KIAA1328: variants seen among roughly 807,000 people sequenced by gnomAD.
KIAA1328 encodes the protein protein hinderin.
Under a neutral mutation model 68.1 loss-of-function variants are expected in KIAA1328, and 52 were observed. That is an observed-to-expected ratio of 0.76 (90% confidence interval 0.61 to 0.96). KIAA1328 has a LOEUF of 0.96. Among genes scored for constraint, KIAA1328 ranks in the 40% least tolerant of loss-of-function variants. The pLI is 0.00. For synonymous variants in KIAA1328, 232 were observed against 239.4 expected, an observed-to-expected ratio of 0.97 and a Z score of 0.28; for missense variants, 641 against 677.6, an observed-to-expected ratio of 0.95 and a Z score of 0.60.
chr18:37,024,250 C>G (rs895780437), intron 6 of KIAA1328, among the ~76,000 whole-genome samples: 4 of 151,902 alleles, frequency 2.6e-5, no homozygotes, highest in Non-Finnish European at 5.9e-5. Flanking sequence ...GTCTTCCTAC[C>G]TCGGACTCCC....
intron 1 of KIAA1328, 184 bp from the exon 2 acceptor site, chr18:36,834,136 C>T (rs75109735): frequency 0.058 from 56,199 of 964,406 alleles, 1,977 homozygotes; most frequent in Non-Finnish European, 0.064. Flanking sequence ...ACATTTAATT[C>T]AATTACTTTG....
intron 6 of KIAA1328, among the ~76,000 whole-genome samples, chr18:36,987,393 C>A (rs1488866808): frequency 2.0e-5 from 3 of 146,380 alleles, no homozygotes; most frequent in African/African-American, 7.4e-5. Context: ...CTAGATGACA[C>A]GTTAGTGGGT....
intron 6 of KIAA1328, among the ~76,000 whole-genome samples, chr18:36,983,258 T>C (rs1205192094): frequency 1.3e-5 from 2 of 151,964 alleles, no homozygotes; most frequent in Non-Finnish European, 2.9e-5. Flanking sequence ...AGAAATAACC[T>C]AAAAGTATGT....
chr18:36,955,002 T>G (rs139847721), intron 5 of KIAA1328, among the ~76,000 whole-genome samples: 1 of 152,132 alleles, frequency 6.6e-6, no homozygotes, highest in East Asian at 1.9e-4. Flanking sequence ...TATCCATCCT[T>G]TCTTCTCCTT....
chr18:36,997,337 G>A (rs561711683), intron 6 of KIAA1328, among the ~76,000 whole-genome samples: 3 of 152,064 alleles, frequency 2.0e-5, no homozygotes, highest in East Asian at 1.9e-4. Context: ...AGATTTTGTG[G>A]TTTGGTTTGT....
At chr18:36,947,124 A>G (rs1321326139) in intron 5 of KIAA1328, among the ~76,000 whole-genome samples, 1 of 152,198 alleles carries the variant, frequency 6.6e-6, no homozygotes, top group Non-Finnish European at 1.5e-5. Context: ...AGATCACGCC[A>G]CTGCACTCCA....
chr18:36,870,919 C>T (rs1427807400), intron 4 of KIAA1328, among the ~76,000 whole-genome samples: 1 of 152,114 alleles, frequency 6.6e-6, no homozygotes, highest in African/African-American at 2.4e-5. Flanking sequence ...GTTAGAATGC[C>T]CAAGGGGCTC....
chr18:37,143,521 C>CTT (rs57046567), intron 7 of KIAA1328, among the ~76,000 whole-genome samples: 4,111 of 90,312 alleles, frequency 0.046, 184 homozygotes, highest in African/African-American at 0.18. Context: ...TTTTTTCTTT[C>CTT]TTTTTTTTTT....
At chr18:37,078,865 C>G (rs2056846021) in intron 7 of KIAA1328, among the ~76,000 whole-genome samples, 1 of 150,424 alleles carries the variant, frequency 6.6e-6, no homozygotes, top group African/African-American at 2.4e-5. Flanking sequence ...AATAGGAACA[C>G]TTTTACACTG....
intron 5 of KIAA1328, among the ~76,000 whole-genome samples, chr18:36,895,002 T>C (rs1320314387): frequency 3.3e-5 from 5 of 152,308 alleles, no homozygotes; most frequent in Admixed American, 6.5e-5. Context: ...GAAAGACTTA[T>C]TGGGTTTTCC....
At chr18:36,841,658 C>T (rs1568063423) in intron 3 of KIAA1328, among the ~76,000 whole-genome samples, 1 of 152,134 alleles carries the variant, frequency 6.6e-6, no homozygotes, top group Admixed American at 6.5e-5. Flanking sequence ...TCTGTCTCAA[C>T]AACTCAACTC....
intron 7 of KIAA1328, among the ~76,000 whole-genome samples, chr18:37,128,563 A>G (rs1449996461): frequency 6.6e-6 from 1 of 152,200 alleles, no homozygotes; most frequent in Non-Finnish European, 1.5e-5. Context: ...TGAGAATGCA[A>G]AATGATACAG....
intron 7 of KIAA1328, among the ~76,000 whole-genome samples, chr18:37,123,026 A>G (rs1417979684): frequency 1.3e-5 from 2 of 152,182 alleles, no homozygotes; most frequent in East Asian, 3.8e-4. Flanking sequence ...GAGACCTGGG[A>G]TTACCTCTCA....
chr18:37,034,252 A>G (rs1268913101), intron 6 of KIAA1328, among the ~76,000 whole-genome samples: 1 of 152,172 alleles, frequency 6.6e-6, no homozygotes, highest in East Asian at 1.9e-4. Flanking sequence ...TTGTAATACA[A>G]AAAAAGGTAT....
chr18:37,157,658 A>G (rs1280430846), intron 7 of KIAA1328, among the ~76,000 whole-genome samples: 1 of 151,768 alleles, frequency 6.6e-6, no homozygotes. Flanking sequence ...AAAAATACAA[A>G]AATTAGCCGG....
rs16968639 is a variant in KIAA1328, at chr18:37,199,926, G to A, written c.1524-22091G>A. ...AGAAGTGTCTTTTCATGGAGGACAT[G>A]TTTTTAAGAACATTTTTAAAAAGAA... is the stretch of plus-strand genomic sequence containing the variant. On this transcript the variant is annotated intron_variant, in intron 9 of 9. Transcript: ENST00000280020. Among the ~76,000 whole-genome samples the A allele has an allele frequency of 9.4e-3, 1,429 of 152,242 alleles. 25 individuals carry two copies. Among genetic ancestry groups the A allele is most frequent in the African/African-American group, 0.033 (1,358 of 41,544 alleles).
intron 9 of KIAA1328, among the ~76,000 whole-genome samples, chr18:37,218,459 G>A (rs2060490352): frequency 6.6e-6 from 1 of 152,200 alleles, no homozygotes; most frequent in Admixed American, 6.5e-5. Context: ...CAGGGAGAGT[G>A]TATTCATATG....
intron 7 of KIAA1328, among the ~76,000 whole-genome samples, chr18:37,077,950 A>C (rs2056804998): frequency 6.6e-6 from 1 of 152,166 alleles, no homozygotes; most frequent in African/African-American, 2.4e-5. Flanking sequence ...CCTACCAATG[A>C]CTGTCTTCAC....
intron 7 of KIAA1328, among the ~76,000 whole-genome samples, chr18:37,098,009 T>G (rs887622481): frequency 6.6e-6 from 1 of 152,164 alleles, no homozygotes; most frequent in Non-Finnish European, 1.5e-5. Context: ...TACAATCATG[T>G]CATCTGCAAA....
Sources: allele counts gnomAD v4.1 joint callset (sites outside exome capture counted in the v4.1 genomes callset), GRCh38; gene constraint gnomAD v4.1.1; transcripts MANE v1.5; gene names NCBI Gene and HGNC (gene_info 2026-07-23, HGNC 2026-07-21).